Variants in AFF2 observed in about 807,000 individuals in gnomAD.
The protein encoded by AFF2 is AF4/FMR2 family member 2.
AFF2 carries 14 observed loss-of-function variants against 76.9 expected under a neutral mutation model. The ratio of observed to expected loss-of-function variants is 0.18; its 90% CI spans 0.12 to 0.28. AFF2 has a LOEUF of 0.28. AFF2 is among the 10% of genes least tolerant of loss of function. The probability of loss-of-function intolerance (pLI) is 1.00; values close to 1 mark genes in which losing one functional copy is unlikely to be tolerated. For missense variants in AFF2, 868 were observed against 1,001.1 expected (o/e 0.87, Z 1.79); for synonymous variants, 398 against 366.7 (o/e 1.09, Z -0.98).
chrX:148,938,703 C>A (rs1449454602), intron 9 of AFF2, among the ~76,000 whole-genome samples: 5 of 112,004 alleles, frequency 4.5e-5, no homozygotes, highest in Non-Finnish European at 9.4e-5. Flanking sequence ...CCTTTCTTGC[C>A]CTTCTGTAAC....
intron 8 of AFF2, among the ~76,000 whole-genome samples, chrX:148,886,688 C>T (rs1557279128): frequency 8.9e-6 from 1 of 112,112 alleles, no homozygotes; most frequent in Non-Finnish European, 1.9e-5. Context: ...TGCACATTTT[C>T]TCCTTGAGAG....
rs782699173 is a variant in AFF2, at chrX:148,587,438, A to G, written c.48-64561A>G. On this transcript the variant is annotated intron_variant, in intron 1 of 20. Coordinates refer to ENST00000370460, the MANE Select transcript of AFF2 (RefSeq NM_002025.4). ...CCTGTGACTGGCTCCAGAATTTTGT[A>G]ATACTTAGTGTGAAATATGTAATAA... 8.0e-5 allele frequency among the ~76,000 whole-genome samples: 9 copies of G among 112,370 alleles called. No individual in the cohort carries two copies. In the South Asian group the frequency reaches 3.3e-3, roughly 42 times the overall value.
chrX:148,956,407 A>G lies in AFF2; in HGVS notation c.2362A>G (p.Ile788Val), dbSNP rs782559034. 3 of 1,211,535 alleles carry G rather than the reference A, an allele frequency of 2.5e-6. No individual in the cohort carries two copies. Among genetic ancestry groups the G allele is most frequent in the Non-Finnish European group, 3.4e-6 (3 of 895,346 alleles). Residue 788 changes from isoleucine to valine, a missense_variant, in exon 11 of 21, where the codon ATC becomes GTC. By Grantham distance (29) the Ile-to-Val change is conservative. Transcript: ENST00000370460. ...FSPIPVMQTEILSPLRDHENL... is the reference protein window; with the variant it reads ...FSPIPVMQTEVLSPLRDHENL... ...ACCTATTCCTGTCATGCAAACTGAAATCCTGTCCCCTCTGCGAGATCATGA... is the reference window on the plus strand; with the variant it reads ...ACCTATTCCTGTCATGCAAACTGAAGTCCTGTCCCCTCTGCGAGATCATGA...
intron 1 of AFF2, among the ~76,000 whole-genome samples, chrX:148,550,288 T>C (rs782490127): frequency 8.9e-5 from 10 of 112,169 alleles, no homozygotes; most frequent in African/African-American, 2.9e-4. Flanking sequence ...GGAGGAGAAC[T>C]GATTTCCACA....
chrX:148,686,375 G>A (rs1199094568), intron 3 of AFF2, among the ~76,000 whole-genome samples: 1 of 111,655 alleles, frequency 9.0e-6, no homozygotes, highest in Non-Finnish European at 1.9e-5. Context: ...CAGCAGCAGT[G>A]CCCTTGTCTT....
chrX:148,552,098 G>T (rs1425993751), intron 1 of AFF2, among the ~76,000 whole-genome samples: 11 of 112,474 alleles, frequency 9.8e-5, no homozygotes, highest in Non-Finnish European at 2.1e-4. Flanking sequence ...GCTTGTACTC[G>T]GTCTCTCATG....
chrX:148,942,764 C>A (rs1423291812), intron 9 of AFF2, among the ~76,000 whole-genome samples: 2 of 105,562 alleles, frequency 1.9e-5, no homozygotes, highest in Admixed American at 2.1e-4. Flanking sequence ...TGCAGTGAGT[C>A]GTGATCGCGC....
intron 3 of AFF2, among the ~76,000 whole-genome samples, chrX:148,669,969 C>G (rs1324298356): frequency 9.0e-6 from 1 of 111,468 alleles, no homozygotes; most frequent in Non-Finnish European, 1.9e-5. Context: ...GCTAGTCCAT[C>G]CCCTGGTAGT....
At chrX:148,857,633 G>A (rs1359619041) in intron 7 of AFF2, among the ~76,000 whole-genome samples, 1 of 111,150 alleles carries the variant, frequency 9.0e-6, no homozygotes, top group African/African-American at 3.3e-5. Flanking sequence ...GTACTTATGT[G>A]GATATAAATA....
intron 3 of AFF2, 33 bp downstream of exon 3, chrX:148,662,801 CT>C (rs782180302): frequency 1.0e-5 from 12 of 1,177,909 alleles, no homozygotes; most frequent in Admixed American, 4.6e-5. Context: ...TTTGGTTTCA[CT>C]TTTTTTTAGT....
chrX:148,693,154 T>G (rs984794326), intron 3 of AFF2, among the ~76,000 whole-genome samples: 2 of 111,073 alleles, frequency 1.8e-5, no homozygotes, highest in Non-Finnish European at 3.8e-5. Context: ...CCTGACCTCG[T>G]GATCCACCCG....
chrX:148,904,454 A>G, intron 9 of AFF2, 196 bp downstream of exon 9: 1 of 383,748 alleles, frequency 2.6e-6, no homozygotes, highest in East Asian at 4.5e-5. Flanking sequence ...GCTCCTGATG[A>G]AGAAATGCCC....
chrX:148,581,050 CAT>C (rs1354387279), intron 1 of AFF2, among the ~76,000 whole-genome samples: 5 of 91,766 alleles, frequency 5.4e-5, no homozygotes, highest in Admixed American at 1.2e-4. Context: ...CATATATACA[CAT>C]ATGTGTATAT....
At chrX:148,567,535 G>C (rs782259637) in intron 1 of AFF2, among the ~76,000 whole-genome samples, 1 of 111,533 alleles carries the variant, frequency 9.0e-6, no homozygotes, top group Non-Finnish European at 1.9e-5. Context: ...AACTGCTGAA[G>C]TATCCCAGAA....
chrX:148,654,652 T>C (rs2054233763), intron 2 of AFF2, among the ~76,000 whole-genome samples: 1 of 109,185 alleles, frequency 9.2e-6, no homozygotes, highest in Non-Finnish European at 1.9e-5. Flanking sequence ...TTAAAAATAA[T>C]ACAAGATGGA....
At position 148,995,138 on chromosome X, in the gene AFF2, T is replaced by C. The variant is rs2072580276; in HGVS notation, c.*3806T>C. On this transcript the variant is annotated 3_prime_UTR_variant, in exon 21 of 21. Coordinates refer to ENST00000370460, the MANE Select transcript of AFF2 (RefSeq NM_002025.4). ...GACTGGCAGACTAAATTCTTCATCG[T>C]TGTTGTTATTGTTGTTGTTGTTTCT... 9.0e-6 allele frequency: 1 copy of C among 111,283 alleles called. No individual in the cohort carries two copies. The highest frequency in any genetic ancestry group is 3.3e-5 in the African/African-American group (1 of 30,480). The allele number at this position is 111,283 out of a possible 1,213,427, so 9.2% of individuals were successfully genotyped here. A position where few individuals can be genotyped will look rare whatever the true frequency, so the allele number is the denominator to read the frequency against.
At chrX:148,930,963 T>G (rs1365686867) in intron 9 of AFF2, among the ~76,000 whole-genome samples, 2 of 111,916 alleles carry the variant, frequency 1.8e-5, no homozygotes, top group Non-Finnish European at 3.8e-5. Flanking sequence ...ATTTAAGAAT[T>G]CATATGCAGC....
intron 2 of AFF2, among the ~76,000 whole-genome samples, chrX:148,653,667 A>G (rs2054224776): frequency 9.0e-6 from 1 of 111,593 alleles, no homozygotes; most frequent in Non-Finnish European, 1.9e-5. Flanking sequence ...TAAAGAAGCT[A>G]TTGTAATTGA....
chrX:148,719,744 T>C (rs2055069579), intron 3 of AFF2, among the ~76,000 whole-genome samples: 1 of 111,771 alleles, frequency 8.9e-6, no homozygotes, highest in South Asian at 3.7e-4. Context: ...GCCAACAACA[T>C]GGGGCTGAGT....
Sources: allele counts gnomAD v4.1 joint callset (sites outside exome capture counted in the v4.1 genomes callset), GRCh38; gene constraint gnomAD v4.1.1; transcripts MANE v1.5; gene names NCBI Gene and HGNC (gene_info 2026-07-23, HGNC 2026-07-21).